CACNA1E: variants seen among roughly 807,000 people sequenced by gnomAD.
CACNA1E encodes voltage-dependent R-type calcium channel subunit alpha-1E.
In CACNA1E, 40 loss-of-function variants were observed where a neutral mutation model predicts 259.2. The observed-to-expected ratio is 0.15, with a 90% confidence interval of 0.12 to 0.20. CACNA1E has a LOEUF of 0.20. CACNA1E is among the 10% of genes least tolerant of loss of function. CACNA1E has a pLI of 1.00. For missense variants in CACNA1E, 1,874 were observed against 3,040.1 expected, an observed-to-expected ratio of 0.62 and a Z score of 9.02; for synonymous variants, 1,104 against 1,138.5, an observed-to-expected ratio of 0.97 and a Z score of 0.61.
intron 3 of CACNA1E, among the ~76,000 whole-genome samples, chr1:181,544,488 G>A (rs1279019641): frequency 1.3e-5 from 2 of 152,070 alleles, no homozygotes; most frequent in Non-Finnish European, 2.9e-5. Flanking sequence ...CTATAAAAAT[G>A]CATATAGCTT....
intron 3 of CACNA1E, among the ~76,000 whole-genome samples, chr1:181,522,022 T>C (rs978437979): frequency 2.0e-5 from 3 of 152,130 alleles, no homozygotes; most frequent in African/African-American, 2.4e-5. Context: ...TGGGAGGCCA[T>C]TGAATGGTTT....
chr1:181,600,593 TC>T (rs1010637721), intron 6 of CACNA1E, among the ~76,000 whole-genome samples: 1 of 151,898 alleles, frequency 6.6e-6, no homozygotes, highest in Admixed American at 6.6e-5. Flanking sequence ...GATGGGAAGA[TC>T]AAGGAGGGCT....
At chr1:181,595,966 T>C (rs188833474) in intron 6 of CACNA1E, among the ~76,000 whole-genome samples, 23 of 152,356 alleles carry the variant, frequency 1.5e-4, no homozygotes, top group Admixed American at 1.2e-3. Context: ...CTCTCTTTTA[T>C]ATCCAGGTTA....
chr1:181,686,580 C>T (rs1292254054), intron 7 of CACNA1E, among the ~76,000 whole-genome samples: 1 of 152,188 alleles, frequency 6.6e-6, no homozygotes, highest in African/African-American at 2.4e-5. Context: ...AGCCACTGCG[C>T]CTGGCCAGAG....
chr1:181,586,797 T>C (rs921766487), intron 6 of CACNA1E, among the ~76,000 whole-genome samples: 1 of 152,198 alleles, frequency 6.6e-6, no homozygotes, highest in African/African-American at 2.4e-5. Context: ...ATGCTTCAGA[T>C]GGGTCAAGGA....
chr1:181,727,430 A>T (rs1452013242), intron 18 of CACNA1E, among the ~76,000 whole-genome samples: 1 of 152,270 alleles, frequency 6.6e-6, no homozygotes, highest in Non-Finnish European at 1.5e-5. Context: ...GGACCACTGC[A>T]TATGGCAAAA....
At position 181,772,177 on chromosome 1, in the gene CACNA1E, C is replaced by T. The variant is rs566682194; in HGVS notation, c.5085C>T (p.Gly1695=). ...GGCAGAACGAGAACGAACGCTGCGG[C>T]ACCGATCTGGCCTACGTGTACTTTG... ...PSGQNENERC[G]TDLAYVYFVS... Residue 1695 remains glycine (G), a synonymous_variant, in exon 37 of 48, where the codon GGC becomes GGT. Coordinates refer to ENST00000367573, the MANE Select transcript of CACNA1E (RefSeq NM_001205293.3). 102 of 1,614,008 alleles carry T rather than the reference C, an allele frequency of 6.3e-5. No homozygotes were observed. The highest frequency in any genetic ancestry group is 8.2e-5 in the Non-Finnish European group (97 of 1,179,876).
intron 2 of CACNA1E, among the ~76,000 whole-genome samples, chr1:181,475,399 G>C (rs921516263): frequency 6.6e-6 from 1 of 152,208 alleles, no homozygotes; most frequent in Non-Finnish European, 1.5e-5. Flanking sequence ...TGAGTTTATA[G>C]GAGGTACAGG....
chr1:181,609,202 G>A (rs1285703149), intron 6 of CACNA1E, among the ~76,000 whole-genome samples: 1 of 152,204 alleles, frequency 6.6e-6, no homozygotes, highest in Admixed American at 6.5e-5. Flanking sequence ...TCAGGATCAC[G>A]TGGAAAGAAA....
rs1662341432 is a variant in CACNA1E, at chr1:181,802,420, GCA to G, written c.*3589_*3590del. 6.6e-6 allele frequency: 1 copy of G among 152,284 alleles called. No homozygotes were observed. Among genetic ancestry groups the G allele is most frequent in the Non-Finnish European group, 1.5e-5 (1 of 68,082 alleles). The allele number at this position is 152,284 out of a possible 1,614,324, so 9.4% of individuals were successfully genotyped here. ...CTCTCAGCCAGTATCTCCCTTCTTT[GCA>G]CAGATTCCTCCCAACCCCATAGAGC... On this transcript the variant is annotated 3_prime_UTR_variant, in exon 48 of 48. Coordinates refer to ENST00000367573, the MANE Select transcript of CACNA1E (RefSeq NM_001205293.3).
intron 2 of CACNA1E, among the ~76,000 whole-genome samples, chr1:181,467,525 G>T (rs1229795945): frequency 6.6e-6 from 1 of 152,104 alleles, no homozygotes; most frequent in East Asian, 1.9e-4. Context: ...TCAGGTTGAG[G>T]TCACTTTTTC....
At chr1:181,538,475 A>G (rs1003266277) in intron 3 of CACNA1E, among the ~76,000 whole-genome samples, 2 of 152,194 alleles carry the variant, frequency 1.3e-5, no homozygotes, top group African/African-American at 4.8e-5. Context: ...TGCTGATTCA[A>G]TGGAATCTTT....
At chr1:181,600,335 G>A (rs1343219991) in intron 6 of CACNA1E, among the ~76,000 whole-genome samples, 1 of 152,212 alleles carries the variant, frequency 6.6e-6, no homozygotes, top group African/African-American at 2.4e-5. Flanking sequence ...ATTTTACTCC[G>A]AGTGTGATGG....
At chr1:181,344,695 A>G (rs1321185365) in intron 1 of CACNA1E, among the ~76,000 whole-genome samples, 1 of 152,198 alleles carries the variant, frequency 6.6e-6, no homozygotes, top group Non-Finnish European at 1.5e-5. Flanking sequence ...CCTCCACTTG[A>G]CATGAATGTT....
At chr1:181,591,587 A>G (rs1489107052) in intron 6 of CACNA1E, among the ~76,000 whole-genome samples, 1 of 152,018 alleles carries the variant, frequency 6.6e-6, no homozygotes, top group Non-Finnish European at 1.5e-5. Flanking sequence ...TATACAATAT[A>G]TTTATGCCAG....
In CACNA1E at chr1:181,333,052, C is replaced by T. The variant is rs189003100; in HGVS notation, c.-15+14929C>T. On this transcript the variant is annotated intron_variant, in intron 1 of 11. Coordinates refer to the CACNA1E transcript ENST00000524607. ...TCATGCAGGTAGGGGTGTTTCCATC[C>T]GCTGTGTGCTAACTGGATCTCTCTG... 7.4e-4 allele frequency among the ~76,000 whole-genome samples: 112 copies of T among 152,264 alleles called. 1 individual carries two copies. Among genetic ancestry groups the T allele is most frequent in the Admixed American group, 1.9e-3 (29 of 15,298 alleles).
chr1:181,601,484 C>A (rs1436052317), intron 6 of CACNA1E, among the ~76,000 whole-genome samples: 1 of 152,128 alleles, frequency 6.6e-6, no homozygotes, highest in Non-Finnish European at 1.5e-5. Context: ...CATCATCTAC[C>A]TGTCCATCAT....
At chr1:181,767,484 C>T (rs955574295) in intron 35 of CACNA1E, among the ~76,000 whole-genome samples, 3 of 152,236 alleles carry the variant, frequency 2.0e-5, no homozygotes, top group Admixed American at 2.0e-4. Flanking sequence ...CTCCTGCAGT[C>T]AGGCAGTCTG....
intron 1 of CACNA1E, among the ~76,000 whole-genome samples, chr1:181,330,334 C>G (rs936499920): frequency 6.6e-6 from 1 of 152,142 alleles, no homozygotes; most frequent in Non-Finnish European, 1.5e-5. Context: ...AGCCCCCTCT[C>G]CCCTTCTTCT....
Sources: allele counts gnomAD v4.1 joint callset (sites outside exome capture counted in the v4.1 genomes callset), GRCh38; gene constraint gnomAD v4.1.1; transcripts MANE v1.5; gene names NCBI Gene and HGNC (gene_info 2026-07-23, HGNC 2026-07-21).